The following CDH7 variants were observed in gnomAD, a reference collection of about 807,000 sequenced individuals.
The protein encoded by CDH7 is cadherin-7.
CDH7 carries 25 observed loss-of-function variants against 71.8 expected under a neutral mutation model. The ratio of observed to expected loss-of-function variants is 0.35; its 90% confidence interval spans 0.25 to 0.49. The LOEUF is 0.49. Ranked by LOEUF, CDH7 falls within the 20% of genes least tolerant of loss-of-function variation. CDH7 has a pLI of 0.99. For synonymous variants in CDH7, 381 were observed against 363.8 expected, an observed-to-expected ratio of 1.05 and a Z score of -0.54; for missense variants, 862 against 974.6, an observed-to-expected ratio of 0.88 and a Z score of 1.54.
intron 11 of CDH7, among the ~76,000 whole-genome samples, chr18:65,876,904 A>G (rs1599069443): frequency 6.6e-6 from 1 of 152,326 alleles, no homozygotes; most frequent in African/African-American, 2.4e-5. Flanking sequence ...AGTGTCACAC[A>G]TGGCTAAATT....
intron 6 of CDH7, among the ~76,000 whole-genome samples, chr18:65,827,218 A>G (rs1270037229): frequency 6.6e-6 from 1 of 151,828 alleles, no homozygotes; most frequent in Non-Finnish European, 1.5e-5. Flanking sequence ...ATTTTCTTAA[A>G]TGACTTCTAA....
intron 2 of CDH7, among the ~76,000 whole-genome samples, chr18:65,792,679 GA>G (rs948945700): frequency 4.7e-5 from 7 of 149,264 alleles, no homozygotes; most frequent in South Asian, 2.1e-4. Flanking sequence ...AAGCAAACAA[GA>G]AAAAAAAAAT....
intron 2 of CDH7, among the ~76,000 whole-genome samples, chr18:65,773,651 T>C (rs974402229): frequency 6.6e-6 from 1 of 152,132 alleles, no homozygotes; most frequent in African/African-American, 2.4e-5. Flanking sequence ...CACAAGGCTG[T>C]TGTACACATA....
intron 6 of CDH7, among the ~76,000 whole-genome samples, chr18:65,842,001 A>C (rs1285378403): frequency 6.6e-6 from 1 of 152,134 alleles, no homozygotes; most frequent in African/African-American, 2.4e-5. Context: ...CTGAGATAAA[A>C]ATTAAAACTT....
intron 6 of CDH7, among the ~76,000 whole-genome samples, chr18:65,832,022 T>C (rs896553842): frequency 6.6e-6 from 1 of 152,142 alleles, no homozygotes; most frequent in South Asian, 2.1e-4. Context: ...ATGTATTTGT[T>C]CTGGTGGTTC....
At chr18:65,782,146 CTTT>C in intron 2 of CDH7, among the ~76,000 whole-genome samples, 1 of 101,738 alleles carries the variant, frequency 9.8e-6, no homozygotes, top group Non-Finnish European at 1.8e-5. Context: ...TTCTTTCTTT[CTTT>C]CTTTCTTTCT....
At chr18:65,816,090 A>G (rs1319218997) in intron 4 of CDH7, among the ~76,000 whole-genome samples, 4 of 152,138 alleles carry the variant, frequency 2.6e-5, no homozygotes, top group Non-Finnish European at 5.9e-5. Flanking sequence ...CAACTAGACA[A>G]TGGTATATGT....
At position 65,881,614 on chromosome 18, in the gene CDH7, A is replaced by G. The variant is rs1249648725; in HGVS notation, c.*720A>G. ...GCTTGTGTAGGTATGATAAAAAAAA[A>G]AGTTGCTGTCTGTTCATTGATTTTT... On this transcript the variant is annotated 3_prime_UTR_variant, in exon 12 of 12. Coordinates refer to ENST00000397968, the MANE Select transcript of CDH7 (RefSeq NM_004361.5). 1 of 152,134 alleles carries G rather than the reference A, an allele frequency of 6.6e-6. No individual in the cohort carries two copies. The highest frequency in any genetic ancestry group is 2.4e-5 in the African/African-American group (1 of 41,426). The allele number at this position is 152,134 out of a possible 1,614,324, so 9.4% of individuals were successfully genotyped here. A position where few individuals can be genotyped will look rare whatever the true frequency, so the allele number is the denominator to read the frequency against.
At chr18:65,879,332 A>C (rs1291077273) in intron 11 of CDH7, among the ~76,000 whole-genome samples, 10 of 152,214 alleles carry the variant, frequency 6.6e-5, no homozygotes, top group Non-Finnish European at 2.9e-5. Flanking sequence ...ACGATAATCC[A>C]TATAATGTAC....
chr18:65,769,675 A>G lies in CDH7; in HGVS notation c.210+6623A>G, dbSNP rs528076429. ...CACCTTTCATCTGTCCTGTTTCCTT[A>G]TATTTTCCAGTCTGGGATAGTTCCT... On this transcript the variant is annotated intron_variant, in intron 2 of 11. Coordinates refer to ENST00000397968, the MANE Select transcript of CDH7 (RefSeq NM_004361.5). Among the ~76,000 whole-genome samples, 16 of 152,270 alleles carry G rather than the reference A, an allele frequency of 1.1e-4. No individual in the cohort carries two copies. The East Asian group carries it at 1.5e-3, about 15-fold the overall frequency.
In CDH7 at chr18:65,763,063, G is replaced by T. The variant is rs1189297078; in HGVS notation, c.210+11G>T. 1.9e-6 allele frequency: 3 copies of T among 1,568,450 alleles called. No homozygotes were observed. The highest frequency in any genetic ancestry group is 2.6e-6 in the Non-Finnish European group (3 of 1,146,540). ...CTCTATGTAGGAAAGGTAGGGTATTGTGACCTTTCAAAGTTGTAAATGATT... is the reference window on the plus strand; with the variant it reads ...CTCTATGTAGGAAAGGTAGGGTATTTTGACCTTTCAAAGTTGTAAATGATT... On this transcript the variant is annotated intron_variant, in intron 2 of 11. Transcript: ENST00000397968.
intron 7 of CDH7, among the ~76,000 whole-genome samples, chr18:65,851,168 T>C (rs1484710): frequency 0.25 from 37,295 of 152,012 alleles, 4,991 homozygotes; most frequent in Non-Finnish European, 0.31. Flanking sequence ...ATTATTCCTA[T>C]ATTAGAAGTA....
chr18:65,825,544 G>C (rs549245502), intron 6 of CDH7, among the ~76,000 whole-genome samples: 72 of 151,724 alleles, frequency 4.7e-4, no homozygotes, highest in African/African-American at 1.6e-3. Flanking sequence ...TAACTCAAAA[G>C]CTATTATTTC....
chr18:65,863,947 C>T (rs567358473), intron 11 of CDH7: 11 of 152,158 alleles, frequency 7.2e-5, no homozygotes, highest in Admixed American at 2.0e-4. Flanking sequence ...TTCAATATAC[C>T]GTTCCATATG....
chr18:65,849,019 T>C (rs72944064), intron 7 of CDH7, among the ~76,000 whole-genome samples: 27,173 of 152,068 alleles, frequency 0.18, 2,850 homozygotes, highest in Non-Finnish European at 0.24. Context: ...AAATCTAAAT[T>C]ATTTGTGAAT....
At chr18:65,823,832 T>G (rs1487884549) in intron 5 of CDH7, among the ~76,000 whole-genome samples, 2 of 151,810 alleles carry the variant, frequency 1.3e-5, no homozygotes, top group African/African-American at 2.4e-5. Flanking sequence ...CAGAAGTAGA[T>G]GCAGGAGGCA....
rs10696115 is a variant in CDH7 at position 65,869,545 on chromosome 18, A to ATTTTTTTTTTTTTTTT, written c.1864+6638_1864+6653dup. ...CTTCCCATAATCTACAAGTGGGTCA[A>ATTTTTTTTTTTTTTTT]TTTTTTTTTTTTTTTTTTTTTTTTT... On this transcript the variant is annotated intron_variant, in intron 11 of 11. Coordinates refer to ENST00000397968, the MANE Select transcript of CDH7 (RefSeq NM_004361.5). Among the ~76,000 whole-genome samples, 8 of 91,374 alleles carry ATTTTTTTTTTTTTTTT rather than the reference A, an allele frequency of 8.8e-5. 1 individual carries two copies. The highest frequency in any genetic ancestry group is 1.2e-4 in the Non-Finnish European group (6 of 52,034). 59.9% of individuals were successfully genotyped at this position (91,374 alleles called of 152,430 possible).
rs748867401 is a variant in CDH7 at position 65,858,933 on chromosome 18, T to A, written c.1381T>A (p.Ser461Thr). 9.9e-6 allele frequency: 16 copies of A among 1,611,926 alleles called. No homozygotes were observed. In the South Asian group the frequency reaches 1.6e-4, roughly 17 times the overall value. Residue 461 changes from serine (S) to threonine (T), a missense_variant, in exon 9 of 12, where the codon TCT becomes ACT. Transcript: ENST00000397968. Reference protein sequence around the residue: ...TVLAMESQNPSQVGRGYVAIT... With the variant: ...TVLAMESQNPTQVGRGYVAIT... The stretch of plus-strand genomic sequence containing the variant: ...ACTGTCTTATTTATTAGAGAATCCA[T>A]CTCAAGTAGGAAGAGGCTATGTGGC...
intron 2 of CDH7, among the ~76,000 whole-genome samples, chr18:65,778,142 C>T (rs1242205130): frequency 1.3e-5 from 2 of 151,732 alleles, no homozygotes; most frequent in Non-Finnish European, 2.9e-5. Flanking sequence ...CGTGGTGACA[C>T]GCACCTGTAA....
Sources: gnomAD v4.1 joint callset for allele counts (sites outside exome capture counted in the v4.1 genomes callset) on GRCh38, gnomAD v4.1.1 for gene constraint, MANE v1.5 for transcripts, NCBI Gene and HGNC (gene_info 2026-07-23, HGNC 2026-07-21) for gene names.